Variants in LNX1 observed in about 807,000 individuals in gnomAD.
The protein encoded by LNX1 is ligand of numb-protein X 1, also known as E3 ubiquitin-protein ligase LNX.
LNX1 carries 54 observed loss-of-function variants against 68.4 expected under a neutral mutation model. The observed-to-expected ratio is 0.79, with a 90% CI of 0.63 to 0.99. LNX1 has a LOEUF of 0.99. Ranked by LOEUF, LNX1 falls within the 50% of genes least tolerant of loss-of-function variation. The pLI is 0.00. For missense variants in LNX1, 906 were observed against 926.4 expected (o/e 0.98, Z 0.29); for synonymous variants, 336 against 350.0 (o/e 0.96, Z 0.45).
At chr4:53,503,070 TC>T (rs1271894070) in intron 4 of LNX1, among the ~76,000 whole-genome samples, 2 of 152,102 alleles carry the variant, frequency 1.3e-5, no homozygotes, top group Non-Finnish European at 2.9e-5. Flanking sequence ...TTTGGTCATA[TC>T]TTTAAGCTCC....
At chr4:53,585,277 G>T (rs568709427) in intron 1 of LNX1, among the ~76,000 whole-genome samples, 3 of 152,282 alleles carry the variant, frequency 2.0e-5, no homozygotes, top group Admixed American at 6.5e-5. Flanking sequence ...TACTACTGTG[G>T]CATGAACATA....
intron 1 of LNX1, among the ~76,000 whole-genome samples, chr4:53,589,679 T>C (rs1732387393): frequency 6.6e-6 from 1 of 152,194 alleles, no homozygotes; most frequent in Non-Finnish European, 1.5e-5. Flanking sequence ...AGGATATAAA[T>C]GAAGGAGATT....
At chr4:53,568,619 T>C (rs1730896656) in intron 2 of LNX1, among the ~76,000 whole-genome samples, 1 of 64,766 alleles carries the variant, frequency 1.5e-5, no homozygotes, top group South Asian at 4.5e-4. Context: ...GGATGCCCTC[T>C]CTCACCACTC....
intron 2 of LNX1, among the ~76,000 whole-genome samples, chr4:53,545,565 G>A (rs1310429697): frequency 1.1e-4 from 17 of 152,150 alleles, no homozygotes; most frequent in African/African-American, 3.9e-4. Context: ...AGGTTCCTAG[G>A]AGATCATTTA....
At chr4:53,518,228 TAAGCAAGCACACTGACTTGGTTTACCA>T (rs1338804787) in intron 2 of LNX1, among the ~76,000 whole-genome samples, 1 of 152,090 alleles carries the variant, frequency 6.6e-6, no homozygotes, top group East Asian at 1.9e-4. Flanking sequence ...AATCCCAACC[TAAGCAAGCACACTGACTTGGTTTACCA>T]AAGATGCTGA....
At chr4:53,579,950 T>C (rs1282593768) in intron 1 of LNX1, among the ~76,000 whole-genome samples, 4 of 152,222 alleles carry the variant, frequency 2.6e-5, no homozygotes, top group African/African-American at 9.6e-5. Flanking sequence ...AGTCACAGTT[T>C]TCTAGTAATA....
At chr4:53,599,351 A>G (rs1732893243) in intron 2 of LNX1, among the ~76,000 whole-genome samples, 2 of 152,316 alleles carry the variant, frequency 1.3e-5, no homozygotes, top group South Asian at 2.1e-4. Context: ...CTACACTCCC[A>G]TTAGCGCCAT....
In LNX1 at chr4:53,508,134, C is replaced by T. The variant is rs1726053030; in HGVS notation, c.474G>A (p.Thr158=). The T allele has an allele frequency of 5.0e-6, 8 of 1,614,124 alleles. No individual in the cohort carries two copies. Among genetic ancestry groups the T allele is most frequent in the African/African-American group, 1.3e-5 (1 of 75,026 alleles). Reference sequence around the variant, plus strand: ...CTGCAGAAACCTCTGGGGAGGGAGCCGTGGCTGTGAGGCTCGCACAGCCGT... The same window carrying T: ...CTGCAGAAACCTCTGGGGAGGGAGCTGTGGCTGTGAGGCTCGCACAGCCGT... The part of the protein sequence containing the change: ...CPDGCASLTA[T]APSPEVSAAA... Residue 158 remains threonine, a synonymous_variant, in exon 3 of 11, where the codon ACG becomes ACA. Coordinates refer to ENST00000263925, the MANE Select transcript of LNX1 (RefSeq NM_001126328.3).
In LNX1 at chr4:53,459,910, T is replaced by TAAG. The variant is rs1721506288; in HGVS notation, c.*994_*996dup. The TAAG allele has an allele frequency of 4.5e-6, 1 of 221,972 alleles. No individual in the cohort carries two copies. The highest frequency in any genetic ancestry group is 9.0e-6 in the Non-Finnish European group (1 of 111,140). The allele number at this position is 221,972 out of a possible 1,614,324, so 13.8% of individuals were successfully genotyped here. ...GCTGTGACACTCTTGCTTAGTATAT[T>TAAG]AAGAGACTCATACATTTTTGATATC... On this transcript the variant is annotated 3_prime_UTR_variant, in exon 11 of 11. Coordinates refer to ENST00000263925, the MANE Select transcript of LNX1 (RefSeq NM_001126328.3).
intron 6 of LNX1, among the ~76,000 whole-genome samples, chr4:53,493,705 G>C (rs1309869960): frequency 1.3e-5 from 2 of 152,214 alleles, no homozygotes; most frequent in African/African-American, 4.8e-5. Flanking sequence ...ACTTGGTGCA[G>C]GGCTAGTCAG....
At chr4:53,571,756 G>T (rs763941542) in intron 2 of LNX1, among the ~76,000 whole-genome samples, 2 of 152,076 alleles carry the variant, frequency 1.3e-5, no homozygotes, top group Non-Finnish European at 2.9e-5. Context: ...CAACTCCCAG[G>T]CTCAAGCAAT....
chr4:53,564,888 G>C (rs1730547486), intron 2 of LNX1, among the ~76,000 whole-genome samples: 1 of 152,170 alleles, frequency 6.6e-6, no homozygotes, highest in African/African-American at 2.4e-5. Flanking sequence ...AGGGGTGACA[G>C]ACAGCACCGG....
intron 2 of LNX1, among the ~76,000 whole-genome samples, chr4:53,515,571 G>A (rs892836173): frequency 6.6e-6 from 1 of 151,046 alleles, no homozygotes; most frequent in Admixed American, 6.6e-5. Context: ...TTTTTTTCAT[G>A]TATTTCCCTG....
intron 2 of LNX1, among the ~76,000 whole-genome samples, chr4:53,558,502 T>C (rs1730080047): frequency 1.3e-5 from 2 of 152,164 alleles, no homozygotes; most frequent in South Asian, 2.1e-4. Context: ...ACATATTCAG[T>C]GGCTGAAATA....
intron 2 of LNX1, among the ~76,000 whole-genome samples, chr4:53,552,857 T>G (rs116275534): frequency 0.036 from 5,493 of 151,174 alleles, 355 homozygotes; most frequent in African/African-American, 0.13. Context: ...ACTTAAATAT[T>G]TAAAGGAATG....
chr4:53,615,943 CAATT>C (rs1349087629), intron 2 of LNX1, among the ~76,000 whole-genome samples: 1 of 152,070 alleles, frequency 6.6e-6, no homozygotes, highest in African/African-American at 2.4e-5. Flanking sequence ...TTAAAATGTA[CAATT>C]ATTATTGACT....
chr4:53,610,753 T>C (rs1334001204), intron 2 of LNX1, among the ~76,000 whole-genome samples: 1 of 149,232 alleles, frequency 6.7e-6, no homozygotes, highest in Admixed American at 6.7e-5. Flanking sequence ...CAAATCTTCA[T>C]TCTAAGAAAT....
At chr4:53,564,119 C>A (rs1184232286) in intron 2 of LNX1, among the ~76,000 whole-genome samples, 2 of 152,206 alleles carry the variant, frequency 1.3e-5, no homozygotes, top group East Asian at 3.9e-4. Context: ...GTTTTGGTTT[C>A]TCTCCTCACT....
At chr4:53,520,574 C>T (rs1727141347) in intron 2 of LNX1, among the ~76,000 whole-genome samples, 1 of 152,138 alleles carries the variant, frequency 6.6e-6, no homozygotes, top group East Asian at 1.9e-4. Flanking sequence ...TGTTATCTGT[C>T]CATGCATTCA....
Sources: gnomAD v4.1 joint callset for allele counts (sites outside exome capture counted in the v4.1 genomes callset) on GRCh38, gnomAD v4.1.1 for gene constraint, MANE v1.5 for transcripts, NCBI Gene and HGNC (gene_info 2026-07-23, HGNC 2026-07-21) for gene names.